COG5: variants seen among roughly 807,000 people sequenced by gnomAD.
COG5 encodes the protein component of oligomeric golgi complex 5.
A neutral mutation model predicts 110.4 loss-of-function variants in COG5; 86 were observed. That is an observed-to-expected ratio of 0.78 (90% CI 0.65 to 0.93). The LOEUF (loss-of-function observed/expected upper bound fraction) is 0.93. Ranked by LOEUF, COG5 falls within the 40% of genes least tolerant of loss-of-function variation. COG5 has a pLI of 0.00. For synonymous variants in COG5, 360 were observed against 334.6 expected (o/e 1.08, Z -0.83); for missense variants, 1,077 against 987.0 (o/e 1.09, Z -1.22).
rs760514658 is a variant in COG5 at position 107,258,364 on chromosome 7, G to C, written c.1595C>G (p.Ala532Gly). ...SEQLLSTQGD[A>G]SQVIGPLTEG... ...AGTAAGAGGCCCAATCACCTGACTT[G>C]CATCTCCTTGTGTGGAGAGCTGTAA... The change falls in exon 15 of 22, where the codon GCA becomes GGA. Residue 532 changes from alanine to glycine, a missense_variant. Transcript: ENST00000297135. 3 of 1,608,218 alleles carry C rather than the reference G, an allele frequency of 1.9e-6. No individual in the cohort carries two copies. Among genetic ancestry groups the C allele is most frequent in the Non-Finnish European group, 8.5e-7 (1 of 1,174,922 alleles).
At chr7:107,519,198 G>A (rs1185974328) in intron 6 of COG5, among the ~76,000 whole-genome samples, 1 of 152,008 alleles carries the variant, frequency 6.6e-6, no homozygotes, top group Non-Finnish European at 1.5e-5. Context: ...GGAGAAAGCA[G>A]GAAAGATCTA....
In COG5 at chr7:107,352,663, T is replaced by G. The variant is rs535120202; in HGVS notation, c.1026+9370A>C. Among the ~76,000 whole-genome samples, 145 of 152,282 alleles carry G rather than the reference T, an allele frequency of 9.5e-4. 1 individual carries two copies. The highest frequency in any genetic ancestry group is 1.3e-3 in the Non-Finnish European group (89 of 68,024). On this transcript the variant is annotated intron_variant, in intron 10 of 21. Coordinates refer to ENST00000297135, the MANE Select transcript of COG5 (RefSeq NM_006348.5). ...TCCTAAATTTTTGAGTTACAGTCTT[T>G]AATGCTATTTTCAAATCATTTGATA...
intron 7 of COG5, among the ~76,000 whole-genome samples, chr7:107,405,637 G>A (rs1002999288): frequency 6.6e-6 from 1 of 152,214 alleles, no homozygotes; most frequent in African/African-American, 2.4e-5. Context: ...GAACCAGAAT[G>A]TTAATACTGG....
chr7:107,227,073 A>T (rs1357924647), intron 19 of COG5, among the ~76,000 whole-genome samples: 3 of 152,160 alleles, frequency 2.0e-5, no homozygotes, highest in African/African-American at 7.2e-5. Flanking sequence ...AAAGGAAAAA[A>T]CTTGGCTCCC....
At chr7:107,364,627 T>C (rs1367884332) in intron 8 of COG5, among the ~76,000 whole-genome samples, 9 of 152,172 alleles carry the variant, frequency 5.9e-5, no homozygotes, top group Non-Finnish European at 1.0e-4. Flanking sequence ...TACCAGGCAG[T>C]AGAAGAACTC....
At chr7:107,482,156 G>A (rs756889825) in intron 6 of COG5, among the ~76,000 whole-genome samples, 1 of 150,060 alleles carries the variant, frequency 6.7e-6, no homozygotes, top group Non-Finnish European at 1.5e-5. Context: ...TTTTTTTGGT[G>A]GGGGAGACAG....
At chr7:107,400,563 G>T (rs1185205894) in intron 7 of COG5, among the ~76,000 whole-genome samples, 1 of 152,066 alleles carries the variant, frequency 6.6e-6, no homozygotes, top group Non-Finnish European at 1.5e-5. Flanking sequence ...TAATCAAAGA[G>T]CAGTAACAGA....
chr7:107,352,211 A>G (rs1404133815), intron 10 of COG5, among the ~76,000 whole-genome samples: 1 of 149,106 alleles, frequency 6.7e-6, no homozygotes, highest in Non-Finnish European at 1.5e-5. Flanking sequence ...TCTCAAGGAC[A>G]AAAAACCAAA....
chr7:107,332,235 C>A (rs761146804), intron 10 of COG5, among the ~76,000 whole-genome samples: 1 of 152,176 alleles, frequency 6.6e-6, no homozygotes, highest in East Asian at 1.9e-4. Context: ...TTAGCCTGTG[C>A]GAGCTTTTCC....
chr7:107,341,833 G>A (rs906050562), intron 10 of COG5, among the ~76,000 whole-genome samples: 10 of 152,294 alleles, frequency 6.6e-5, no homozygotes, highest in African/African-American at 2.2e-4. Flanking sequence ...GCCATAGGCA[G>A]AAGAATAAAA....
At chr7:107,231,860 AAAC>A (rs1800798986) in intron 18 of COG5, among the ~76,000 whole-genome samples, 1 of 152,218 alleles carries the variant, frequency 6.6e-6, no homozygotes, top group South Asian at 2.1e-4. Flanking sequence ...TTATTTATTA[AAAC>A]AATATGATTA....
chr7:107,533,924 A>C (rs566290205), intron 5 of COG5, among the ~76,000 whole-genome samples: 1 of 151,764 alleles, frequency 6.6e-6, no homozygotes, highest in South Asian at 2.1e-4. Context: ...GAGAAAGGTC[A>C]GGTTACCCAC....
chr7:107,233,815 T>C (rs76754187), intron 18 of COG5, among the ~76,000 whole-genome samples: 8,614 of 152,126 alleles, frequency 0.057, 328 homozygotes, highest in Non-Finnish European at 0.085. Flanking sequence ...AATGTTAGAG[T>C]AATGCTATTT....
At chr7:107,355,161 C>T (rs1351168659) in intron 10 of COG5, among the ~76,000 whole-genome samples, 2 of 152,102 alleles carry the variant, frequency 1.3e-5, no homozygotes, top group African/African-American at 4.8e-5. Flanking sequence ...AAAATTTTCT[C>T]ACAAACACAG....
intron 6 of COG5, among the ~76,000 whole-genome samples, chr7:107,521,256 G>A (rs928908375): frequency 3.3e-5 from 5 of 151,988 alleles, no homozygotes; most frequent in African/African-American, 7.2e-5. Context: ...TGATGAAAAC[G>A]CCAAAAGCAA....
At chr7:107,460,868 C>A (rs975831372) in intron 6 of COG5, among the ~76,000 whole-genome samples, 1 of 151,868 alleles carries the variant, frequency 6.6e-6, no homozygotes, top group Non-Finnish European at 1.5e-5. Flanking sequence ...TAAATGTAAA[C>A]TGATTATTCA....
intron 7 of COG5, among the ~76,000 whole-genome samples, chr7:107,408,232 C>T (rs1792006809): frequency 6.6e-6 from 1 of 152,178 alleles, no homozygotes; most frequent in Non-Finnish European, 1.5e-5. Context: ...TTTCCTGCCT[C>T]AACAGCAGAG....
chr7:107,282,582 C>T lies in COG5; in HGVS notation c.1475+989G>A, dbSNP rs144881128. Among the ~76,000 whole-genome samples, 657 of 152,198 alleles carry T rather than the reference C, an allele frequency of 4.3e-3. 6 individuals carry two copies. The highest frequency in any genetic ancestry group is 0.014 in the African/African-American group (587 of 41,522). On this transcript the variant is annotated intron_variant, in intron 13 of 21. Coordinates refer to ENST00000297135, the MANE Select transcript of COG5 (RefSeq NM_006348.5). ...TGTCAGCCAGGCTGGAGTGCAGTGG[C>T]GTGATGTCGGCTCACTGCAGCCTTC... is the stretch of plus-strand genomic sequence containing the variant.
chr7:107,282,007 C>CAAA (rs10706210), intron 13 of COG5, among the ~76,000 whole-genome samples: 1 of 113,328 alleles, frequency 8.8e-6, no homozygotes, highest in South Asian at 2.7e-4. Flanking sequence ...ATCTGACTGC[C>CAAA]AAAAAAAAAA....
Sources: gnomAD v4.1 joint callset for allele counts (sites outside exome capture counted in the v4.1 genomes callset) on GRCh38, gnomAD v4.1.1 for gene constraint, MANE v1.5 for transcripts, NCBI Gene and HGNC (gene_info 2026-07-23, HGNC 2026-07-21) for gene names.